The following DSCAM variants were observed in gnomAD, a reference collection of about 807,000 sequenced individuals.
The protein encoded by DSCAM is cell adhesion molecule DSCAM.
In DSCAM, 47 loss-of-function variants were observed where a neutral mutation model predicts 217.7. The ratio of observed to expected loss-of-function variants is 0.22; its 90% CI spans 0.17 to 0.28. The LOEUF (loss-of-function observed/expected upper bound fraction) is 0.28. Ranked by LOEUF, DSCAM falls within the 10% of genes least tolerant of loss-of-function variation. DSCAM has a pLI of 1.00. For synonymous variants in DSCAM, 1,056 were observed against 1,015.3 expected (o/e 1.04, Z -0.76); for missense variants, 2,080 against 2,618.3 (o/e 0.79, Z 4.49).
chr21:40,410,997 A>C (rs2075317895), intron 3 of DSCAM, among the ~76,000 whole-genome samples: 1 of 152,176 alleles, frequency 6.6e-6, no homozygotes, highest in Non-Finnish European at 1.5e-5. Flanking sequence ...TTTAAAAGAT[A>C]ATTAACCATT....
chr21:40,263,875 A>T (rs574364992), intron 11 of DSCAM, among the ~76,000 whole-genome samples: 1 of 152,264 alleles, frequency 6.6e-6, no homozygotes, highest in South Asian at 2.1e-4. Context: ...GAGACATCAC[A>T]ACTGACACCA....
chr21:40,640,754 G>T (rs1361606970), intron 3 of DSCAM, among the ~76,000 whole-genome samples: 2 of 152,038 alleles, frequency 1.3e-5, no homozygotes, highest in Admixed American at 1.3e-4. Flanking sequence ...AGTATCCAAA[G>T]TTTACAGAGA....
chr21:40,801,808 T>C lies in DSCAM; in HGVS notation c.43+44811A>G, dbSNP rs2091744157. Reference sequence around the variant, plus strand: ...TCTCAGGTTTGCAGAAAGCAAGAGTTGTAGAGGATTGGCAGCCTCCACCCA... The same window carrying C: ...TCTCAGGTTTGCAGAAAGCAAGAGTCGTAGAGGATTGGCAGCCTCCACCCA... On this transcript the variant is annotated intron_variant, in intron 1 of 32. Coordinates refer to ENST00000400454, the MANE Select transcript of DSCAM (RefSeq NM_001389.5). Among the ~76,000 whole-genome samples the C allele has an allele frequency of 4.6e-5, 7 of 152,286 alleles. No homozygotes were observed. In the South Asian group the frequency reaches 1.5e-3, roughly 32 times the overall value.
At chr21:40,151,122 T>A (rs1346353981) in intron 16 of DSCAM, among the ~76,000 whole-genome samples, 1 of 152,176 alleles carries the variant, frequency 6.6e-6, no homozygotes, top group African/African-American at 2.4e-5. Flanking sequence ...TCAAGACTAA[T>A]GCCTCCTGGG....
intron 16 of DSCAM, among the ~76,000 whole-genome samples, chr21:40,160,003 T>C (rs1423152266): frequency 6.6e-6 from 1 of 152,210 alleles, no homozygotes; most frequent in Non-Finnish European, 1.5e-5. Flanking sequence ...TCCAGAGCCA[T>C]TGGTGGGGTG....
chr21:40,779,511 T>G (rs1206410056), intron 1 of DSCAM, among the ~76,000 whole-genome samples: 1 of 152,234 alleles, frequency 6.6e-6, no homozygotes, highest in African/African-American at 2.4e-5. Context: ...TCAGGCACTA[T>G]TCCAGTTTAC....
intron 11 of DSCAM, among the ~76,000 whole-genome samples, chr21:40,272,943 G>A (rs990258036): frequency 6.6e-6 from 1 of 151,930 alleles, no homozygotes; most frequent in Non-Finnish European, 1.5e-5. Flanking sequence ...AAAGACATTG[G>A]CCATTAGAGT....
intron 3 of DSCAM, among the ~76,000 whole-genome samples, chr21:40,456,662 T>TAATACAAAAATTATTGTGAATACAC (rs138521543): frequency 9.2e-5 from 14 of 151,828 alleles, no homozygotes; most frequent in African/African-American, 2.9e-4. Flanking sequence ...CACTTCACAA[T>TAATACAAAAATTATTGTGAATACAC]AATACAAAAA....
intron 11 of DSCAM, among the ~76,000 whole-genome samples, chr21:40,197,659 G>C (rs2091027123): frequency 6.6e-6 from 1 of 152,042 alleles, no homozygotes; most frequent in African/African-American, 2.4e-5. Context: ...TTCCTCCAGG[G>C]TCTGGAAAGC....
chr21:40,044,302 C>T (rs569039249), intron 30 of DSCAM, 27 bp from the exon 31 acceptor site: 12 of 1,601,252 alleles, frequency 7.5e-6, no homozygotes, highest in South Asian at 6.7e-5. Flanking sequence ...ATCATGTCTG[C>T]CTTTGTCTGC....
chr21:40,191,085 C>T (rs1601425528), intron 11 of DSCAM, among the ~76,000 whole-genome samples: 1 of 152,154 alleles, frequency 6.6e-6, no homozygotes, highest in Non-Finnish European at 1.5e-5. Flanking sequence ...TTGCTTGCCT[C>T]GTAAGACTTC....
intron 3 of DSCAM, among the ~76,000 whole-genome samples, chr21:40,606,048 A>T (rs2089232949): frequency 1.3e-5 from 2 of 151,490 alleles, no homozygotes; most frequent in Admixed American, 1.3e-4. Flanking sequence ...CGAACCACCC[A>T]CCCTGGCCTC....
chr21:40,545,096 C>T (rs997978168), intron 3 of DSCAM, among the ~76,000 whole-genome samples: 9 of 152,040 alleles, frequency 5.9e-5, no homozygotes. Flanking sequence ...GATTAGTGCC[C>T]TTATGAAAAG....
intron 3 of DSCAM, among the ~76,000 whole-genome samples, chr21:40,464,885 C>G (rs908001400): frequency 6.6e-6 from 1 of 151,974 alleles, no homozygotes; most frequent in Non-Finnish European, 1.5e-5. Flanking sequence ...GGACTACAGG[C>G]ACACATCACC....
chr21:40,424,426 G>A (rs530172513), intron 3 of DSCAM, among the ~76,000 whole-genome samples: 36 of 152,296 alleles, frequency 2.4e-4, no homozygotes, highest in South Asian at 6.2e-4. Flanking sequence ...GAAGCCAGCC[G>A]TGTGACTGGC....
intron 32 of DSCAM, among the ~76,000 whole-genome samples, chr21:40,031,116 GCTCA>G (rs1465019493): frequency 6.6e-5 from 10 of 152,136 alleles, no homozygotes; most frequent in South Asian, 2.1e-4. Flanking sequence ...CCCTTAAAAG[GCTCA>G]CTGTTTTTCT....
chr21:40,214,861 G>C (rs1417168532), intron 11 of DSCAM, among the ~76,000 whole-genome samples: 2 of 151,760 alleles, frequency 1.3e-5, no homozygotes, highest in African/African-American at 2.4e-5. Context: ...AAACTCCAGA[G>C]TTCCTAAGTT....
chr21:40,136,160 G>A (rs1469193553), intron 18 of DSCAM, among the ~76,000 whole-genome samples: 1 of 152,238 alleles, frequency 6.6e-6, no homozygotes, highest in Non-Finnish European at 1.5e-5. Flanking sequence ...CGAAAATGAG[G>A]AGACTGTGTG....
At chr21:40,294,540 C>T (rs2123442341) in intron 10 of DSCAM, among the ~76,000 whole-genome samples, 1 of 152,268 alleles carries the variant, frequency 6.6e-6, no homozygotes, top group South Asian at 2.1e-4. Flanking sequence ...CTTTTCACTT[C>T]ACTTACACAT....
Sources: gnomAD v4.1 joint callset for allele counts (sites outside exome capture counted in the v4.1 genomes callset) on GRCh38, gnomAD v4.1.1 for gene constraint, MANE v1.5 for transcripts, NCBI Gene and HGNC (gene_info 2026-07-23, HGNC 2026-07-21) for gene names.